Variants in SLC10A7 observed in about 807,000 individuals in gnomAD.
SLC10A7 encodes sodium/bile acid cotransporter 7.
SLC10A7 carries 29 observed loss-of-function variants against 43.2 expected under a neutral mutation model. The observed-to-expected ratio is 0.67, with a 90% CI of 0.50 to 0.92. The LOEUF (loss-of-function observed/expected upper bound fraction) is 0.92, where lower values mean the gene tolerates loss of function less well. Among genes scored for constraint, SLC10A7 ranks in the 40% least tolerant of loss-of-function variants. SLC10A7 has a pLI of 0.00. For missense variants in SLC10A7, 295 were observed against 403.2 expected (o/e 0.73, Z 2.30); for synonymous variants, 152 against 144.8 (o/e 1.05, Z -0.35).
intron 5 of SLC10A7, among the ~76,000 whole-genome samples, chr4:146,405,538 T>C (rs1024040355): frequency 7.2e-5 from 11 of 152,114 alleles, no homozygotes; most frequent in African/African-American, 2.4e-4. Flanking sequence ...GCTTCATCCA[T>C]GAAGAAAAAA....
chr4:146,335,726 T>C (rs1473295143), intron 5 of SLC10A7, among the ~76,000 whole-genome samples: 1 of 152,102 alleles, frequency 6.6e-6, no homozygotes, highest in African/African-American at 2.4e-5. Flanking sequence ...ATAATCATTT[T>C]GAAATGACCA....
At chr4:146,390,797 A>T (rs1471558243) in intron 5 of SLC10A7, among the ~76,000 whole-genome samples, 1 of 152,110 alleles carries the variant, frequency 6.6e-6, no homozygotes, top group Non-Finnish European at 1.5e-5. Context: ...CTGGGTTTAA[A>T]CTTGCCTGCA....
intron 5 of SLC10A7, among the ~76,000 whole-genome samples, chr4:146,335,845 T>A (rs1733860498): frequency 6.6e-6 from 1 of 152,104 alleles, no homozygotes; most frequent in African/African-American, 2.4e-5. Context: ...ATTTATTTAC[T>A]CTCTTTGTTG....
At chr4:146,374,121 A>G (rs919973937) in intron 5 of SLC10A7, among the ~76,000 whole-genome samples, 5 of 152,146 alleles carry the variant, frequency 3.3e-5, no homozygotes, top group African/African-American at 4.8e-5. Context: ...TCCATTTTCT[A>G]TTTTGAGGCT....
At chr4:146,429,815 G>A (rs1391248606) in intron 5 of SLC10A7, among the ~76,000 whole-genome samples, 1 of 152,032 alleles carries the variant, frequency 6.6e-6, no homozygotes, top group East Asian at 1.9e-4. Flanking sequence ...TGCAAGCAAA[G>A]AGGTGGGAGC....
At position 146,256,365 on chromosome 4, in the gene SLC10A7, C is replaced by T. The variant is rs1229943383; in HGVS notation, c.*126G>A. 3.5e-6 allele frequency: 3 copies of T among 866,394 alleles called. No individual in the cohort carries two copies. The highest frequency in any genetic ancestry group is 5.6e-6 in the Non-Finnish European group (3 of 537,534). The allele number at this position is 866,394 out of a possible 1,614,324, so 53.7% of individuals were successfully genotyped here. ...ACATTTTAAGGCACTTAAACAGGAT[C>T]TCATATTTTTGTGTAAAAAAATAAA... is the stretch of plus-strand genomic sequence containing the variant. On this transcript the variant is annotated 3_prime_UTR_variant, in exon 12 of 12. Coordinates refer to ENST00000335472, the MANE Select transcript of SLC10A7 (RefSeq NM_001029998.6).
At chr4:146,420,959 T>G (rs1574454) in intron 5 of SLC10A7, among the ~76,000 whole-genome samples, 37,303 of 151,922 alleles carry the variant, frequency 0.25, 5,001 homozygotes, top group African/African-American at 0.36. Flanking sequence ...CCCTGGAGGT[T>G]GAGGCTGCAG....
At chr4:146,295,611 G>A (rs1039345208) in intron 7 of SLC10A7, among the ~76,000 whole-genome samples, 1 of 152,080 alleles carries the variant, frequency 6.6e-6, no homozygotes, top group Non-Finnish European at 1.5e-5. Context: ...GGTATCATGG[G>A]TATCTAGATG....
At chr4:146,318,158 A>T (rs1732453887) in intron 6 of SLC10A7, among the ~76,000 whole-genome samples, 1 of 151,494 alleles carries the variant, frequency 6.6e-6, no homozygotes, top group South Asian at 2.1e-4. Flanking sequence ...TTCTCTTCAT[A>T]TTTTATTACT....
At chr4:146,289,954 T>C (rs1177693791) in intron 9 of SLC10A7, among the ~76,000 whole-genome samples, 2 of 149,514 alleles carry the variant, frequency 1.3e-5, no homozygotes, top group Non-Finnish European at 3.0e-5. Context: ...GACCTCGTGA[T>C]CCACCCACCT....
rs142220675 is a variant in SLC10A7, at chr4:146,317,207, T to C, written c.471+8754A>G. On this transcript the variant is annotated intron_variant, in intron 6 of 11. Coordinates refer to ENST00000335472, the MANE Select transcript of SLC10A7 (RefSeq NM_001029998.6). ...AACAAGAAAACAGCAGTTTTAAAAA[T>C]AGCTCCAACCCAACTTTTTGGACAG... is the stretch of plus-strand genomic sequence containing the variant. Among the ~76,000 whole-genome samples the C allele has an allele frequency of 8.9e-3, 1,353 of 152,202 alleles. 6 individuals are homozygous for C. Among genetic ancestry groups the C allele is most frequent in the Non-Finnish European group, 0.016 (1,088 of 67,944 alleles).
At position 146,521,819 on chromosome 4, in the gene SLC10A7, T is replaced by A; in HGVS notation, c.-102A>T. The A allele has an allele frequency of 3.2e-6, 3 of 928,384 alleles. No homozygotes were observed. The highest frequency in any genetic ancestry group is 5.1e-6 in the Non-Finnish European group (3 of 587,276). 57.5% of individuals were successfully genotyped at this position (928,384 alleles called of 1,614,324 possible). A position where few individuals can be genotyped will look rare whatever the true frequency, so the allele number is the denominator to read the frequency against. On this transcript the variant is annotated 5_prime_UTR_variant, in exon 1 of 12. Coordinates refer to ENST00000335472, the MANE Select transcript of SLC10A7 (RefSeq NM_001029998.6). ...GCGTCTCCACACTTTCCTTGGTCCC[T>A]CCAGACATGCAGCAGAGCAAGTCAA...
chr4:146,335,120 G>A (rs1418182239), intron 5 of SLC10A7, among the ~76,000 whole-genome samples: 1 of 151,828 alleles, frequency 6.6e-6, no homozygotes, highest in Non-Finnish European at 1.5e-5. Context: ...GTCAGTGTTT[G>A]GGGATCCTCA....
intron 4 of SLC10A7, among the ~76,000 whole-genome samples, chr4:146,498,397 C>T (rs973414517): frequency 5.3e-5 from 8 of 152,264 alleles, no homozygotes; most frequent in African/African-American, 1.4e-4. Context: ...GGATTACAGA[C>T]ATGAGCCACC....
chr4:146,440,111 G>A (rs1475700652), intron 5 of SLC10A7, among the ~76,000 whole-genome samples: 1 of 151,924 alleles, frequency 6.6e-6, no homozygotes, highest in African/African-American at 2.4e-5. Context: ...TTCTTTCTTA[G>A]TAACAGAAAT....
chr4:146,519,482 T>A (rs1416586186), intron 1 of SLC10A7, among the ~76,000 whole-genome samples: 1 of 151,680 alleles, frequency 6.6e-6, no homozygotes, highest in Non-Finnish European at 1.5e-5. Context: ...TTTGCTGAGA[T>A]CTAAGAAAAG....
At chr4:146,323,820 C>A (rs1732911474) in intron 6 of SLC10A7, among the ~76,000 whole-genome samples, 1 of 151,982 alleles carries the variant, frequency 6.6e-6, no homozygotes, top group African/African-American at 2.4e-5. Context: ...AAGTTCTGGC[C>A]AGGGCAATCA....
intron 9 of SLC10A7, among the ~76,000 whole-genome samples, chr4:146,286,706 G>A (rs948787613): frequency 2.0e-4 from 30 of 151,446 alleles, no homozygotes; most frequent in African/African-American, 4.4e-4. Context: ...GACTGTGTCT[G>A]GAGTGGTGAG....
chr4:146,473,766 A>G (rs909983141), intron 4 of SLC10A7, among the ~76,000 whole-genome samples: 5 of 152,140 alleles, frequency 3.3e-5, no homozygotes, highest in Non-Finnish European at 5.9e-5. Flanking sequence ...TGGTATTTTA[A>G]TAAAAAAATG....
Sources: allele counts gnomAD v4.1 joint callset (sites outside exome capture counted in the v4.1 genomes callset), GRCh38; gene constraint gnomAD v4.1.1; transcripts MANE v1.5; gene names NCBI Gene and HGNC (gene_info 2026-07-23, HGNC 2026-07-21).